Variants in DOCK5 observed in about 807,000 individuals in gnomAD.
The protein encoded by DOCK5 is dedicator of cytokinesis protein 5.
In DOCK5, 142 loss-of-function variants were observed where a neutral mutation model predicts 251.8. The ratio of observed to expected loss-of-function variants is 0.56; its 90% CI spans 0.49 to 0.65. The LOEUF is 0.65. DOCK5 is among the 30% of genes least tolerant of loss of function. DOCK5 has a pLI of 0.00. For missense variants in DOCK5, 2,111 were observed against 2,312.3 expected (o/e 0.91, Z 1.79); for synonymous variants, 842 against 835.5 (o/e 1.01, Z -0.13).
intron 22 of DOCK5, among the ~76,000 whole-genome samples, chr8:25,339,181 C>T (rs368686423): frequency 6.6e-6 from 1 of 152,112 alleles, no homozygotes; most frequent in African/African-American, 2.4e-5. Context: ...CCCTGGGCCC[C>T]CTGTTGCCTT....
intron 1 of DOCK5, among the ~76,000 whole-genome samples, chr8:25,237,865 G>A (rs1341517614): frequency 1.3e-5 from 2 of 152,204 alleles, no homozygotes; most frequent in Non-Finnish European, 2.9e-5. Context: ...AGGCAATCCT[G>A]TTTTACAGAT....
intron 28 of DOCK5, 69 bp from the exon 29 acceptor site, chr8:25,362,978 T>C (rs1307567045): frequency 3.1e-5 from 36 of 1,175,362 alleles, no homozygotes; most frequent in Non-Finnish European, 4.2e-5. Flanking sequence ...GTTCTGCTTG[T>C]ATACACGCCA....
chr8:25,292,284 G>A, intron 6 of DOCK5, 112 bp downstream of exon 6: 1 of 1,202,714 alleles, frequency 8.3e-7, no homozygotes, highest in Non-Finnish European at 1.1e-6. Flanking sequence ...AAAGAATAAT[G>A]CTTACTGCTC....
chr8:25,196,716 A>C (rs1133946), intron 1 of DOCK5, among the ~76,000 whole-genome samples: 21,794 of 152,232 alleles, frequency 0.14, 2,533 homozygotes, highest in African/African-American at 0.33. Context: ...TTTACCATAA[A>C]GCAAAGTTTT....
At chr8:25,317,341 T>G in intron 14 of DOCK5, 2 of 509,918 alleles carry the variant, frequency 3.9e-6, no homozygotes, top group Non-Finnish European at 6.6e-6. Flanking sequence ...ATTTTTATAT[T>G]TCTCCTGTGC....
At chr8:25,321,800 A>G (rs1390094626) in intron 16 of DOCK5, among the ~76,000 whole-genome samples, 3 of 152,134 alleles carry the variant, frequency 2.0e-5, no homozygotes, top group Admixed American at 6.6e-5. Flanking sequence ...CTAAGATGCT[A>G]CTAGATGCTC....
chr8:25,390,377 G>A, intron 42 of DOCK5, 90 bp downstream of exon 42: 4 of 1,174,412 alleles, frequency 3.4e-6, no homozygotes, highest in South Asian at 3.0e-5. Flanking sequence ...GAAGCTGAGG[G>A]AGGAGTATTG....
intron 1 of DOCK5, among the ~76,000 whole-genome samples, chr8:25,210,011 TATATATA>T (rs1802084733): frequency 7.3e-5 from 2 of 27,480 alleles, no homozygotes; most frequent in South Asian, 1.3e-3. Context: ...CGGCTAATTA[TATATATA>T]TATATATATA....
chr8:25,327,295 A>G (rs1805585393), intron 18 of DOCK5, among the ~76,000 whole-genome samples: 1 of 152,204 alleles, frequency 6.6e-6, no homozygotes, highest in African/African-American at 2.4e-5. Context: ...GTATTTTCCA[A>G]ATTTTTAACT....
chr8:25,249,648 A>C (rs1355125934), intron 2 of DOCK5, among the ~76,000 whole-genome samples: 1 of 152,158 alleles, frequency 6.6e-6, no homozygotes, highest in African/African-American at 2.4e-5. Context: ...GTGCAGTGGC[A>C]TGATCACGGC....
chr8:25,407,582 G>A (rs1240375045), intron 48 of DOCK5, among the ~76,000 whole-genome samples: 1 of 152,126 alleles, frequency 6.6e-6, no homozygotes. Flanking sequence ...TCAAGAGTAG[G>A]TTGAGGAGGC....
At chr8:25,402,521 C>G (rs1248931889) in intron 47 of DOCK5, among the ~76,000 whole-genome samples, 1 of 152,110 alleles carries the variant, frequency 6.6e-6, no homozygotes, top group Non-Finnish European at 1.5e-5. Flanking sequence ...TGGTCTCAAT[C>G]TCCTGACCTT....
intron 43 of DOCK5, among the ~76,000 whole-genome samples, chr8:25,392,230 G>A (rs1176397486): frequency 1.3e-5 from 2 of 151,616 alleles, no homozygotes; most frequent in Admixed American, 6.6e-5. Flanking sequence ...CTTAAACCCA[G>A]GAGGCGGAGG....
At chr8:25,252,040 G>A (rs575807557) in intron 2 of DOCK5, among the ~76,000 whole-genome samples, 1 of 151,684 alleles carries the variant, frequency 6.6e-6, no homozygotes, top group Admixed American at 6.6e-5. Context: ...TTCAAACAGA[G>A]GCTTAATCAT....
chr8:25,314,535 T>C (rs1805184868), intron 13 of DOCK5, among the ~76,000 whole-genome samples: 1 of 151,578 alleles, frequency 6.6e-6, no homozygotes, highest in African/African-American at 2.4e-5. Context: ...AGCACCTCCA[T>C]CCATTCATCC....
At chr8:25,410,972 T>TGTGTGCGC (rs1331552371) in intron 51 of DOCK5, among the ~76,000 whole-genome samples, 13 of 19,168 alleles carry the variant, frequency 6.8e-4, no homozygotes, top group South Asian at 2.2e-3. Flanking sequence ...TGTGTGTGTG[T>TGTGTGCGC]GCGCGCGCGC....
chr8:25,230,873 A>T (rs1802650233), intron 1 of DOCK5, among the ~76,000 whole-genome samples: 1 of 152,118 alleles, frequency 6.6e-6, no homozygotes, highest in Non-Finnish European at 1.5e-5. Flanking sequence ...ATAAATAAAT[A>T]AATTTACACC....
chr8:25,185,013 C>G, intron 1 of DOCK5, 62 bp downstream of exon 1: 4 of 1,289,718 alleles, frequency 3.1e-6, no homozygotes, highest in Non-Finnish European at 9.9e-7. Flanking sequence ...GGACAGCGGC[C>G]CTGCCAGGTT....
In DOCK5 at chr8:25,346,684, C is replaced by T. The variant is rs1320476463; in HGVS notation, c.2754+1073C>T. Among the ~76,000 whole-genome samples, 6 of 111,554 alleles carry T rather than the reference C, an allele frequency of 5.4e-5. 2 individuals carry two copies. The highest frequency in any genetic ancestry group is 5.2e-4 in the Admixed American group (6 of 11,512). The allele number at this position is 111,554 out of a possible 152,430, so 73.2% of individuals were successfully genotyped here. On this transcript the variant is annotated intron_variant, in intron 26 of 51. Transcript: ENST00000276440. ...ACTAAAAATACCAAAATTAGCTGGG[C>T]GTGGTGGCACGCGCCTATAGTCCCA...
Sources: gnomAD v4.1 joint callset for allele counts (sites outside exome capture counted in the v4.1 genomes callset) on GRCh38, gnomAD v4.1.1 for gene constraint, MANE v1.5 for transcripts, NCBI Gene and HGNC (gene_info 2026-07-23, HGNC 2026-07-21) for gene names.